Variants in AEBP2 observed in about 807,000 individuals in gnomAD.
The protein encoded by AEBP2 is AE binding protein 2.
A neutral mutation model predicts 50.8 loss-of-function variants in AEBP2; 10 were observed. The ratio of observed to expected loss-of-function variants is 0.20; its 90% CI spans 0.12 to 0.33. AEBP2 has a LOEUF of 0.33. Ranked by LOEUF, AEBP2 falls within the 10% of genes least tolerant of loss-of-function variation. The probability of loss-of-function intolerance (pLI) is 1.00; values close to 1 mark genes in which losing one functional copy is unlikely to be tolerated. For synonymous variants in AEBP2, 296 were observed against 261.3 expected (o/e 1.13, Z -1.28); for missense variants, 570 against 688.0 (o/e 0.83, Z 1.92).
intron 4 of AEBP2, among the ~76,000 whole-genome samples, chr12:19,496,584 CTG>C (rs1565731220): frequency 1.3e-5 from 2 of 151,840 alleles, no homozygotes; most frequent in South Asian, 2.1e-4. Context: ...TTTTACGAAA[CTG>C]TGAAAAATAT....
At chr12:19,489,259 G>A (rs1311614114) in intron 3 of AEBP2, among the ~76,000 whole-genome samples, 3 of 152,230 alleles carry the variant, frequency 2.0e-5, no homozygotes, top group African/African-American at 7.2e-5. Flanking sequence ...GAAACCTCAG[G>A]AAAACTACAG....
At chr12:19,444,044 C>T (rs1366136599) in intron 1 of AEBP2, among the ~76,000 whole-genome samples, 1 of 151,998 alleles carries the variant, frequency 6.6e-6, no homozygotes, top group Admixed American at 6.6e-5. Flanking sequence ...TGTGAAACCG[C>T]TAAAAACTAG....
At chr12:19,448,861 G>A (rs1285988307) in intron 1 of AEBP2, among the ~76,000 whole-genome samples, 1 of 151,842 alleles carries the variant, frequency 6.6e-6, no homozygotes, top group Non-Finnish European at 1.5e-5. Flanking sequence ...TTCATTTTTT[G>A]TAGAGATGGG....
chr12:19,478,391 G>A (rs968635571), intron 3 of AEBP2, among the ~76,000 whole-genome samples: 3 of 152,102 alleles, frequency 2.0e-5, no homozygotes, highest in African/African-American at 7.2e-5. Flanking sequence ...TGCTTCCTGG[G>A]TTCAAGTGAG....
At chr12:19,437,279 G>C (rs1181626440), upstream of AEBP2, among the ~76,000 whole-genome samples, 2 of 152,218 alleles carry the variant, frequency 1.3e-5, no homozygotes, top group African/African-American at 4.8e-5. Context: ...CAAATGGACA[G>C]CTTTCTCTGG....
chr12:19,412,213 A>G (rs575881214), intron 1 of AEBP2, among the ~76,000 whole-genome samples: 1 of 152,354 alleles, frequency 6.6e-6, no homozygotes, highest in Non-Finnish European at 1.5e-5. Flanking sequence ...GAAGTCACAT[A>G]TGAACACTAG....
intron 2 of AEBP2, among the ~76,000 whole-genome samples, chr12:19,469,772 T>A (rs936464290): frequency 3.3e-5 from 5 of 152,226 alleles, no homozygotes; most frequent in African/African-American, 1.2e-4. Context: ...CTGTTATGTC[T>A]GATACAACCT....
chr12:19,491,467 A>ACAAACATATGTATGTTT (rs1262041568), intron 3 of AEBP2, among the ~76,000 whole-genome samples: 5 of 152,182 alleles, frequency 3.3e-5, no homozygotes, highest in African/African-American at 1.2e-4. Context: ...AACATATAGA[A>ACAAACATATGTATGTTT]GCTCTTTTAG....
rs371054593 is a variant in AEBP2, at chr12:19,439,666, G to GGGAGGAGGAGGGGGA, written c.-23_-22insGGGAGGAGGAGGAGG. 3.4e-6 allele frequency: 5 copies of GGGAGGAGGAGGGGGA among 1,475,302 alleles called. No individual in the cohort carries two copies. Among genetic ancestry groups the GGGAGGAGGAGGGGGA allele is most frequent in the Non-Finnish European group, 3.6e-6 (4 of 1,110,932 alleles). 91.4% of individuals were successfully genotyped at this position (1,475,302 alleles called of 1,614,324 possible). ...GAGTCGAGAGAGGGAGGCGGCGGTG[G>GGGAGGAGGAGGGGGA]GGAGGAGGAGGAGGAGGAGGAGCAG... On this transcript the variant is annotated 5_prime_UTR_variant, in exon 1 of 8. Coordinates refer to ENST00000266508, the MANE Select transcript of AEBP2 (RefSeq NM_153207.5).
intron 3 of AEBP2, among the ~76,000 whole-genome samples, chr12:19,479,048 A>C (rs1417652672): frequency 6.6e-6 from 1 of 152,108 alleles, no homozygotes; most frequent in Non-Finnish European, 1.5e-5. Flanking sequence ...GTCTCAACAA[A>C]AAATAAAAGA....
chr12:19,409,403 A>G (rs1271520671), intron 1 of AEBP2, among the ~76,000 whole-genome samples: 2 of 152,182 alleles, frequency 1.3e-5, no homozygotes, highest in African/African-American at 4.8e-5. Context: ...TGGAAAAATA[A>G]AAAAAGAGAG....
At chr12:19,480,873 C>T (rs778178652) in intron 3 of AEBP2, among the ~76,000 whole-genome samples, 3 of 152,136 alleles carry the variant, frequency 2.0e-5, no homozygotes, top group African/African-American at 7.2e-5. Context: ...TTATTCACCT[C>T]GAGTAAGTTT....
At chr12:19,413,089 C>G (rs1010447202) in intron 1 of AEBP2, 1 of 595,288 alleles carries the variant, frequency 1.7e-6, no homozygotes, top group Non-Finnish European at 3.1e-6. Flanking sequence ...TTGGAGCCAG[C>G]AGCAGCCGGG....
intron 5 of AEBP2, among the ~76,000 whole-genome samples, chr12:19,500,472 C>T (rs527330632): frequency 6.6e-5 from 10 of 152,268 alleles, no homozygotes; most frequent in African/African-American, 2.2e-4. Context: ...TGGGATGACA[C>T]ACCATACAGT....
rs367726773 is a variant in AEBP2 at position 19,486,584 on chromosome 12, C to T, written c.988-7216C>T. On this transcript the variant is annotated intron_variant, in intron 3 of 7. Coordinates refer to ENST00000266508, the MANE Select transcript of AEBP2 (RefSeq NM_153207.5). ...TTTTTGTAGAGAGAGGGTTTTGCCA[C>T]GTTGCCCAGGCTGGTTTCGAACTCG... 4.9e-4 allele frequency among the ~76,000 whole-genome samples: 74 copies of T among 152,000 alleles called. 3 individuals are homozygous for T. In the East Asian group the frequency reaches 7.9e-3, roughly 16 times the overall value.
At chr12:19,457,185 G>A (rs1405164736) in intron 1 of AEBP2, 28 of 1,597,598 alleles carry the variant, frequency 1.8e-5, no homozygotes, top group Middle Eastern at 2.1e-4. Flanking sequence ...TGTTAACACC[G>A]ACAATTAGTT....
At chr12:19,449,983 C>A (rs985747588) in intron 1 of AEBP2, among the ~76,000 whole-genome samples, 2 of 152,064 alleles carry the variant, frequency 1.3e-5, no homozygotes, top group African/African-American at 4.8e-5. Context: ...ATAAGAAGGG[C>A]CTTAGGGAAA....
chr12:19,497,683 C>T (rs1299793141), intron 4 of AEBP2, among the ~76,000 whole-genome samples: 1 of 152,020 alleles, frequency 6.6e-6, no homozygotes, highest in Non-Finnish European at 1.5e-5. Context: ...ATGTTGGCCA[C>T]CAAGTCTCAA....
intron 3 of AEBP2, among the ~76,000 whole-genome samples, chr12:19,487,556 A>T (rs1948828628): frequency 6.6e-6 from 1 of 152,116 alleles, no homozygotes; most frequent in Non-Finnish European, 1.5e-5. Context: ...TGTCTTTTCT[A>T]AAAATACAAA....
Sources: allele counts gnomAD v4.1 joint callset (sites outside exome capture counted in the v4.1 genomes callset), GRCh38; gene constraint gnomAD v4.1.1; transcripts MANE v1.5; gene names NCBI Gene and HGNC (gene_info 2026-07-23, HGNC 2026-07-21).